Variants in RPGRIP1 observed in about 807,000 individuals in gnomAD.
RPGRIP1 encodes RPGR interacting protein 1.
In RPGRIP1, 128 loss-of-function variants were observed where a neutral mutation model predicts 157.9. The observed-to-expected ratio is 0.81, with a 90% CI of 0.70 to 0.94. The LOEUF (loss-of-function observed/expected upper bound fraction) is 0.94, where lower values mean the gene tolerates loss of function less well. RPGRIP1 is among the 40% of genes least tolerant of loss of function. RPGRIP1 has a pLI of 0.00. For missense variants in RPGRIP1, 1,486 were observed against 1,545.8 expected (o/e 0.96, Z 0.65); for synonymous variants, 554 against 571.6 (o/e 0.97, Z 0.44).
chr14:21,328,180 A>C (rs960645264), intron 18 of RPGRIP1, among the ~76,000 whole-genome samples: 2 of 150,202 alleles, frequency 1.3e-5, no homozygotes, highest in Non-Finnish European at 3.0e-5. Flanking sequence ...AAAAAAAAAA[A>C]GAAAAAGAAA....
chr14:21,287,572 G>C (rs1477827387), intron 1 of RPGRIP1, among the ~76,000 whole-genome samples: 2 of 152,142 alleles, frequency 1.3e-5, no homozygotes, highest in African/African-American at 4.8e-5. Context: ...TGGATTGTAG[G>C]CTATAAACTG....
chr14:21,343,161 G>C lies in RPGRIP1; in HGVS notation c.3465G>C (p.Glu1155Asp). 2 of 1,613,786 alleles carry C rather than the reference G, an allele frequency of 1.2e-6. No homozygotes were observed. The highest frequency in any genetic ancestry group is 1.7e-6 in the Non-Finnish European group (2 of 1,179,778). ...AATTCTACGACCTACCCTTGTCGGAGACAGAGACTCCAGTGTCCCTAAGGA... is the reference window on the plus strand; with the variant it reads ...AATTCTACGACCTACCCTTGTCGGACACAGAGACTCCAGTGTCCCTAAGGA... ...EYKFYDLPLS[E>D]TETPVSLRKP... Residue 1155 changes from glutamate (E) to aspartate (D), a missense_variant, in exon 22 of 25, where the codon GAG (glutamate) becomes GAC (aspartate). Coordinates refer to ENST00000400017, the MANE Select transcript of RPGRIP1 (RefSeq NM_020366.4).
At chr14:21,315,784 G>A in intron 10 of RPGRIP1, among the ~76,000 whole-genome samples, 1 of 150,370 alleles carries the variant, frequency 6.7e-6, no homozygotes, top group East Asian at 1.9e-4. Context: ...TGCCTAAGTA[G>A]GTTATTATTA....
At chr14:21,321,718 A>T in intron 13 of RPGRIP1, 136 bp from the exon 14 acceptor site, 1 of 974,542 alleles carries the variant, frequency 1.0e-6, no homozygotes, top group Non-Finnish European at 1.5e-6. Context: ...TCTGCAAGGA[A>T]ATCAAACCTT....
intron 23 of RPGRIP1, among the ~76,000 whole-genome samples, chr14:21,347,813 C>T (rs762498144): frequency 4.6e-5 from 7 of 152,178 alleles, no homozygotes; most frequent in South Asian, 2.1e-4. Context: ...ACTGCATCCT[C>T]GACCTCCTGG....
Position 21,303,502 on chromosome 14 carries a change from G to A in RPGRIP1, c.759G>A (p.Gln253=). The A allele has an allele frequency of 6.2e-7, 1 of 1,613,928 alleles. No individual in the cohort carries two copies. The highest frequency in any genetic ancestry group is 1.7e-5 in the Admixed American group (1 of 60,012). The change falls in exon 6 of 25, where the codon CAG becomes CAA. Residue 253 remains glutamine, a synonymous_variant. Coordinates refer to ENST00000400017, the MANE Select transcript of RPGRIP1 (RefSeq NM_020366.4). ...KMWPKDENFE[Q]RSSLECAQKA... is the part of the protein sequence containing the mutation. ...GGCCTAAAGATGAAAATTTTGAACA[G>A]AGAAGCTCATTGGAGTGTGCTCAGA... is the stretch of plus-strand genomic sequence containing the variant.
chr14:21,281,801 GA>G (rs202191396), intron 1 of RPGRIP1, among the ~76,000 whole-genome samples: 1,794 of 150,694 alleles, frequency 0.012, 13 homozygotes, highest in Middle Eastern at 0.042. Context: ...GTGTAAAAAA[GA>G]AAAAAAAGAA....
intron 3 of RPGRIP1, among the ~76,000 whole-genome samples, chr14:21,297,170 C>A (rs561422105): frequency 2.0e-5 from 3 of 151,808 alleles, no homozygotes; most frequent in African/African-American, 4.8e-5. Context: ...CTCGGCTCAC[C>A]GGCAATCTCT....
At position 21,343,443 on chromosome 14, in the gene RPGRIP1, C is replaced by T. The variant is rs181050634; in HGVS notation, c.3532+215C>T. ...TGTCCCAGCTCTTCACAGATCACTT[C>T]GCCTGTTCCCACCCTTCCTCAATCC... On this transcript the variant is annotated intron_variant, in intron 22 of 24. Coordinates refer to ENST00000400017, the MANE Select transcript of RPGRIP1 (RefSeq NM_020366.4). Among the ~76,000 whole-genome samples the T allele has an allele frequency of 3.9e-5, 6 of 152,282 alleles. No individual in the cohort carries two copies. In the East Asian group the frequency reaches 7.7e-4, roughly 20 times the overall value.
intron 22 of RPGRIP1, among the ~76,000 whole-genome samples, chr14:21,343,866 GTTTTTTTTTTT>G (rs67535379): frequency 0.039 from 1,965 of 50,466 alleles, 86 homozygotes; most frequent in African/African-American, 0.14. Context: ...CTCTTTTCCT[GTTTTTTTTTTT>G]TTTTTTTTTT....
chr14:21,327,864 T>C, intron 18 of RPGRIP1, 57 bp downstream of exon 18: 1 of 1,346,914 alleles, frequency 7.4e-7, no homozygotes, highest in Non-Finnish European at 1.0e-6. Flanking sequence ...GGAGCAGATT[T>C]GAAGGAGACA....
chr14:21,326,044 C>G lies in RPGRIP1; in HGVS notation c.2581C>G (p.Leu861Val). The G allele has an allele frequency of 6.2e-7, 1 of 1,613,988 alleles. No homozygotes were observed. The highest frequency in any genetic ancestry group is 1.1e-5 in the South Asian group (1 of 91,082). Residue 861 changes from leucine (L) to valine (V), a missense_variant, in exon 17 of 25, where the codon CTG becomes GTG. Leu to Val is a conservative substitution (Grantham distance 32). Transcript: ENST00000400017. Reference sequence around the variant, plus strand: ...ATTCCCAGTGCTTGTGACCTCTGACCTGGACCATTATCTGAGACGGGAGGC... The same window carrying G: ...ATTCCCAGTGCTTGTGACCTCTGACGTGGACCATTATCTGAGACGGGAGGC... ...ARFPVLVTSD[L>V]DHYLRREALS...
At chr14:21,328,747 G>T (rs1458661088) in intron 19 of RPGRIP1, 120 bp downstream of exon 19, 2 of 726,774 alleles carry the variant, frequency 2.8e-6, no homozygotes, top group African/African-American at 3.5e-5. Context: ...AATCGGCCGG[G>T]CATGGTGGCT....
rs1347016869 is a variant in RPGRIP1 at position 21,321,866 on chromosome 14, G to A, written c.1624G>A (p.Ala542Thr). 1 of 1,612,460 alleles carries A rather than the reference G, an allele frequency of 6.2e-7. No individual in the cohort carries two copies. Among genetic ancestry groups the A allele is most frequent in the Non-Finnish European group, 8.5e-7 (1 of 1,179,302 alleles). The change falls in exon 14 of 25, where the codon GCA becomes ACA. Residue 542 changes from alanine (A) to threonine (T), a missense_variant. Transcript: ENST00000400017. ...INVCYQEELE[A>T]MMTKADNDNR... ...TATTTTGTTTCAGGAGGAACTGGAG[G>A]CAATGATGACAAAAGCTGACAATGA...
chr14:21,344,887 G>A (rs948092072), intron 22 of RPGRIP1, among the ~76,000 whole-genome samples: 5 of 152,042 alleles, frequency 3.3e-5, no homozygotes, highest in South Asian at 2.1e-4. Flanking sequence ...TGGAGACTGC[G>A]GTGAACCAAG....
intron 2 of RPGRIP1, among the ~76,000 whole-genome samples, chr14:21,293,326 A>G (rs1334877338): frequency 6.6e-6 from 1 of 152,214 alleles, no homozygotes; most frequent in Non-Finnish European, 1.5e-5. Context: ...TCCTGACCAA[A>G]AAAACAAACG....
At chr14:21,305,156 T>A (rs1881247790) in intron 6 of RPGRIP1, among the ~76,000 whole-genome samples, 1 of 152,172 alleles carries the variant, frequency 6.6e-6, no homozygotes, top group Non-Finnish European at 1.5e-5. Context: ...TATCCATCAT[T>A]ATAGCATCAT....
intron 19 of RPGRIP1, 71 bp from the exon 20 acceptor site, chr14:21,330,178 A>G: frequency 1.9e-6 from 2 of 1,037,818 alleles, no homozygotes; most frequent in African/African-American, 1.7e-5. Flanking sequence ...AAAAGAAGGC[A>G]GGAAGGAAGG....
rs192097443 is a variant in RPGRIP1 at position 21,330,187 on chromosome 14, G to A, written c.3100-62G>A. 1.3e-4 allele frequency: 152 copies of A among 1,159,720 alleles called. 1 individual carries two copies. In the African/African-American group the frequency reaches 2.3e-3, roughly 18 times the overall value. 71.8% of individuals were successfully genotyped at this position (1,159,720 alleles called of 1,614,324 possible). ...TATTTAAAAAGAAGGCAGGAAGGAA[G>A]GAATGAAGAAAGAAAACCAAGATAT... On this transcript the variant is annotated intron_variant, in intron 19 of 24. Coordinates refer to ENST00000400017, the MANE Select transcript of RPGRIP1 (RefSeq NM_020366.4).
Sources: gnomAD v4.1 joint callset for allele counts (sites outside exome capture counted in the v4.1 genomes callset) on GRCh38, gnomAD v4.1.1 for gene constraint, MANE v1.5 for transcripts, NCBI Gene and HGNC (gene_info 2026-07-23, HGNC 2026-07-21) for gene names.